The following FSHR variants were observed in gnomAD, a reference collection of about 807,000 sequenced individuals.
The protein encoded by FSHR is follicle stimulating hormone receptor.
A neutral mutation model predicts 52.1 loss-of-function variants in FSHR; 46 were observed. That is an observed-to-expected ratio of 0.88 (90% CI 0.70 to 1.13). FSHR has a LOEUF of 1.13. FSHR is among the 50% of genes most tolerant of loss of function. FSHR has a pLI of 0.00. For synonymous variants in FSHR, 399 were observed against 309.6 expected (o/e 1.29, Z -3.03); for missense variants, 964 against 834.6 (o/e 1.16, Z -1.91).
At chr2:48,999,086 T>C (rs1227286835) in intron 4 of FSHR, among the ~76,000 whole-genome samples, 3 of 152,080 alleles carry the variant, frequency 2.0e-5, no homozygotes, top group Non-Finnish European at 2.9e-5. Context: ...TAGGATACTT[T>C]GCTTGGGAAA....
chr2:49,110,408 CTT>C (rs1298432914), intron 1 of FSHR, among the ~76,000 whole-genome samples: 1 of 152,034 alleles, frequency 6.6e-6, no homozygotes, highest in Non-Finnish European at 1.5e-5. Flanking sequence ...TTCAGTAAGA[CTT>C]TATGTGAAGA....
intron 6 of FSHR, among the ~76,000 whole-genome samples, chr2:48,986,476 A>G (rs978191814): frequency 8.6e-5 from 13 of 151,122 alleles, no homozygotes; most frequent in African/African-American, 2.9e-4. Flanking sequence ...CAAACTAGAA[A>G]CGATTGGAGA....
chr2:49,151,026 A>G (rs1364931355), intron 1 of FSHR, among the ~76,000 whole-genome samples: 3 of 152,102 alleles, frequency 2.0e-5, no homozygotes, highest in African/African-American at 4.8e-5. Flanking sequence ...GTCCATGTTC[A>G]TTAATTTACA....
At chr2:49,048,893 G>T (rs1214026139) in intron 2 of FSHR, among the ~76,000 whole-genome samples, 1 of 152,124 alleles carries the variant, frequency 6.6e-6, no homozygotes, top group Non-Finnish European at 1.5e-5. Context: ...AGGCAAGAGG[G>T]TCCATATTCT....
At chr2:49,106,379 C>T (rs949086907) in intron 1 of FSHR, among the ~76,000 whole-genome samples, 7 of 152,086 alleles carry the variant, frequency 4.6e-5, no homozygotes, top group Admixed American at 4.6e-4. Flanking sequence ...AAGAGAGCTC[C>T]TGCAGTTGGC....
Position 48,962,676 on chromosome 2 carries a change from C to G in FSHR, c.*57G>C. ...CACTGTCAGCTCTTTGTGACATACC[C>G]TTCAAAGGCAAGACTGAATTATCAT... is the stretch of plus-strand genomic sequence containing the variant. On this transcript the variant is annotated 3_prime_UTR_variant, in exon 10 of 10. Coordinates refer to ENST00000406846, the MANE Select transcript of FSHR (RefSeq NM_000145.4). The G allele has an allele frequency of 6.5e-7, 1 of 1,548,848 alleles. No homozygotes were observed. The highest frequency in any genetic ancestry group is 8.9e-7 in the Non-Finnish European group (1 of 1,122,004).
At chr2:48,985,212 G>T (rs1458678425) in intron 6 of FSHR, among the ~76,000 whole-genome samples, 1 of 152,164 alleles carries the variant, frequency 6.6e-6, no homozygotes, top group Non-Finnish European at 1.5e-5. Flanking sequence ...TGTGTCCTTG[G>T]GGATGAGGCC....
intron 4 of FSHR, among the ~76,000 whole-genome samples, chr2:49,003,998 G>A (rs1036584109): frequency 3.9e-5 from 6 of 152,170 alleles, no homozygotes; most frequent in African/African-American, 1.4e-4. Context: ...CCAATATGAG[G>A]CTTTAGTAGT....
At chr2:49,131,891 A>G (rs11678373) in intron 1 of FSHR, among the ~76,000 whole-genome samples, 23,120 of 152,176 alleles carry the variant, frequency 0.15, 1,763 homozygotes, top group Middle Eastern at 0.24. Context: ...CTTTAAAGGA[A>G]GTTCCCCATC....
At chr2:49,004,122 G>A (rs1265702459) in intron 4 of FSHR, among the ~76,000 whole-genome samples, 1 of 152,174 alleles carries the variant, frequency 6.6e-6, no homozygotes. Context: ...GCCCTGCCAA[G>A]GATTTCTCCT....
chr2:48,982,878 G>A, intron 8 of FSHR, 34 bp downstream of exon 8: 1 of 1,551,892 alleles, frequency 6.4e-7, no homozygotes, highest in Non-Finnish European at 8.9e-7. Flanking sequence ...CACAAACTGA[G>A]CTCTTACACA....
At chr2:49,085,748 A>T (rs1442911082) in intron 1 of FSHR, among the ~76,000 whole-genome samples, 4 of 152,206 alleles carry the variant, frequency 2.6e-5, no homozygotes, top group Non-Finnish European at 5.9e-5. Flanking sequence ...GATTAAGAAA[A>T]TGTGGCACAT....
At chr2:48,990,892 TA>T (rs10644983) in intron 4 of FSHR, among the ~76,000 whole-genome samples, 34 of 149,224 alleles carry the variant, frequency 2.3e-4, no homozygotes, top group South Asian at 4.3e-4. Context: ...CAGTATACAT[TA>T]AAAAAAAAAC....
At chr2:49,056,771 C>T (rs987184799) in intron 2 of FSHR, among the ~76,000 whole-genome samples, 7 of 151,774 alleles carry the variant, frequency 4.6e-5, no homozygotes, top group Admixed American at 4.6e-4. Context: ...GGACAATAAA[C>T]AAGTCTCAAA....
At chr2:49,119,575 C>T (rs528779098) in intron 1 of FSHR, among the ~76,000 whole-genome samples, 29 of 152,116 alleles carry the variant, frequency 1.9e-4, no homozygotes, top group African/African-American at 6.5e-4. Flanking sequence ...GTTTCGCTTT[C>T]TTTGACAAAA....
intron 1 of FSHR, among the ~76,000 whole-genome samples, chr2:49,146,017 A>G (rs777075582): frequency 3.9e-5 from 6 of 152,092 alleles, no homozygotes; most frequent in Non-Finnish European, 5.9e-5. Context: ...GAGATAGAAG[A>G]GTTAATTTGA....
chr2:49,093,304 A>G lies in FSHR; in HGVS notation c.153-25014T>C, dbSNP rs1670684042. Among the ~76,000 whole-genome samples, 5 of 152,334 alleles carry G rather than the reference A, an allele frequency of 3.3e-5. No homozygotes were observed. The South Asian group carries it at 8.3e-4, about 25-fold the overall frequency. On this transcript the variant is annotated intron_variant, in intron 1 of 9. Transcript: ENST00000406846. ...TGAGATAGGAGTGTTAAAACGTCCA[A>G]ATAGAGGTGTACATGTGTCTATTCC...
Position 48,968,794 on chromosome 2 carries a change from T to C in FSHR, c.758A>G (p.Lys253Arg), listed in dbSNP as rs1246036830. The stretch of plus-strand genomic sequence containing the variant: ...AAGCTTTTCCAGAGTAGGCAGCTTT[T>C]TTAAGTTGTAAGTCGACCTGGCCCT... The part of the protein sequence containing the change: ...KLRARSTYNL[K>R]KLPTLEKLVA... The change falls in exon 9 of 10, where the codon AAA becomes AGA. Residue 253 changes from lysine to arginine, a missense_variant. By Grantham distance (26) the Lys-to-Arg change is conservative. Transcript: ENST00000406846. 1 of 1,614,146 alleles carries C rather than the reference T, an allele frequency of 6.2e-7. No homozygotes were observed. Among genetic ancestry groups the C allele is most frequent in the South Asian group, 1.1e-5 (1 of 91,090 alleles).
In FSHR at chr2:49,136,040, A is replaced by T. The variant is rs191928927; in HGVS notation, c.152+18226T>A. Among the ~76,000 whole-genome samples, 487 of 152,102 alleles carry T rather than the reference A, an allele frequency of 3.2e-3. 2 individuals are homozygous for T. Among genetic ancestry groups the T allele is most frequent in the African/African-American group, 0.011 (444 of 41,508 alleles). On this transcript the variant is annotated intron_variant, in intron 1 of 9. Coordinates refer to ENST00000406846, the MANE Select transcript of FSHR (RefSeq NM_000145.4). Reference sequence around the variant, plus strand: ...TGTTCTATGGTCAAGTGTCAACAGAAATTAATAAAATAAGGAATAAAAAAA... The same window carrying T: ...TGTTCTATGGTCAAGTGTCAACAGATATTAATAAAATAAGGAATAAAAAAA...
Sources: gnomAD v4.1 joint callset for allele counts (sites outside exome capture counted in the v4.1 genomes callset) on GRCh38, gnomAD v4.1.1 for gene constraint, MANE v1.5 for transcripts, NCBI Gene and HGNC (gene_info 2026-07-23, HGNC 2026-07-21) for gene names.